The following NMNAT1 variants were observed in gnomAD, a reference collection of about 807,000 sequenced individuals.
NMNAT1 encodes the protein nicotinamide nucleotide adenylyltransferase 1.
A neutral mutation model predicts 16.7 loss-of-function variants in NMNAT1; 11 were observed. That is an observed-to-expected ratio of 0.66 (90% CI 0.41 to 1.09). NMNAT1 has a LOEUF of 1.09. Among genes scored for constraint, NMNAT1 ranks in the 50% least tolerant of loss-of-function variants. The pLI is 0.00. For synonymous variants in NMNAT1, 110 were observed against 119.8 expected (o/e 0.92, Z 0.53); for missense variants, 280 against 332.3 (o/e 0.84, Z 1.22).
intron 2 of NMNAT1, among the ~76,000 whole-genome samples, chr1:9,973,940 C>A (rs1262220333): frequency 6.6e-6 from 1 of 151,294 alleles, no homozygotes; most frequent in Admixed American, 6.6e-5. Context: ...TGGATTCAAG[C>A]GATTCTTTTG....
chr1:9,971,887 T>C (rs1235787649), intron 1 of NMNAT1, 131 bp from the exon 2 acceptor site: 1 of 532,566 alleles, frequency 1.9e-6, no homozygotes, highest in Non-Finnish European at 3.4e-6. Flanking sequence ...GGAGCATCAC[T>C]TGAGCCCAGA....
chr1:9,974,640 G>C (rs190287875), intron 2 of NMNAT1, among the ~76,000 whole-genome samples: 1 of 151,862 alleles, frequency 6.6e-6, no homozygotes, highest in African/African-American at 2.4e-5. Context: ...CACCCGCCTC[G>C]AACTCCCAAA....
At chr1:9,986,461 G>A (rs1282139369), downstream of NMNAT1, among the ~76,000 whole-genome samples, 1 of 152,092 alleles carries the variant, frequency 6.6e-6, no homozygotes, top group Non-Finnish European at 1.5e-5. Context: ...GCCAGGCTTG[G>A]TGGCTCACAT....
In NMNAT1 at chr1:9,982,367, G is replaced by A; in HGVS notation, c.506G>A (p.Trp169Ter). 6.2e-7 allele frequency: 1 copy of A among 1,614,116 alleles called. No individual in the cohort carries two copies. Among genetic ancestry groups the A allele is most frequent in the African/African-American group, 1.3e-5 (1 of 75,030 alleles). Residue 169 changes from tryptophan to a stop codon, truncating the protein, a stop_gained, in exon 5 of 5, where the codon TGG becomes TAG. Transcript: ENST00000377205. LOFTEE classifies it high-confidence loss of function. ...GAGTCCTTTGCTGTTCCCAATTTGTGGAAGAGTGAAGACATCACCCAAATC... is the reference window on the plus strand; with the variant it reads ...GAGTCCTTTGCTGTTCCCAATTTGTAGAAGAGTGAAGACATCACCCAAATC... ...LLESFAVPNL[W>*]KSEDITQIVA...
chr1:9,995,586 C>A, the NMNAT1 span, among the ~76,000 whole-genome samples: 1 of 151,632 alleles, frequency 6.6e-6, no homozygotes, highest in African/African-American at 2.4e-5. Flanking sequence ...CCCAGCTACT[C>A]AGGAGGCTGA....
At chr1:9,975,826 C>G in intron 3 of NMNAT1, 51 bp downstream of exon 3, 1 of 1,413,920 alleles carries the variant, frequency 7.1e-7, no homozygotes, top group South Asian at 1.3e-5. Context: ...GGCTAAGCGG[C>G]TTATGTTTTT....
At chr1:9,986,030 C>CT (rs1425320483), downstream of NMNAT1, among the ~76,000 whole-genome samples, 1 of 152,156 alleles carries the variant, frequency 6.6e-6, no homozygotes, top group African/African-American at 2.4e-5. Flanking sequence ...TCACTGTCCC[C>CT]TTGCTATCCT....
the NMNAT1 span, among the ~76,000 whole-genome samples, chr1:9,994,698 C>T: frequency 6.7e-6 from 1 of 148,800 alleles, no homozygotes; most frequent in African/African-American, 2.5e-5. Flanking sequence ...CTGCAAGCTC[C>T]GCCTCCTGGG....
At chr1:9,976,334 A>G (rs1641813716) in intron 3 of NMNAT1, among the ~76,000 whole-genome samples, 1 of 151,888 alleles carries the variant, frequency 6.6e-6, no homozygotes, top group Non-Finnish European at 1.5e-5. Context: ...ACTATGTGAT[A>G]CCACTGTTAG....
At chr1:9,985,736 C>T (rs892015008), downstream of NMNAT1, among the ~76,000 whole-genome samples, 6 of 152,178 alleles carry the variant, frequency 3.9e-5, no homozygotes, top group Non-Finnish European at 7.3e-5. Flanking sequence ...AGTCTCGGCT[C>T]ACTGCAACCT....
chr1:9,963,774 G>A (rs932091027), intron 1 of NMNAT1, among the ~76,000 whole-genome samples: 8 of 152,030 alleles, frequency 5.3e-5, no homozygotes, highest in Non-Finnish European at 7.4e-5. Flanking sequence ...TCCAAAGGTC[G>A]AAGATTAACT....
rs1241974542 is a variant in NMNAT1, at chr1:9,982,715, T to G, written c.*14T>G. 6.4e-7 allele frequency: 1 copy of G among 1,573,126 alleles called. No individual in the cohort carries two copies. Among genetic ancestry groups the G allele is most frequent in the East Asian group, 2.2e-5 (1 of 44,490 alleles). On this transcript the variant is annotated 3_prime_UTR_variant, in exon 5 of 5. Transcript: ENST00000377205. ...GCTAAGACATAGGAATTCTACAGCA[T>G]GATATTTCAGACTTCCCATTTGGGG... is the stretch of plus-strand genomic sequence containing the variant.
At chr1:9,943,393 C>T (rs1372962355), upstream of NMNAT1, 1 of 152,476 alleles carries the variant, frequency 6.6e-6, no homozygotes, top group Admixed American at 6.5e-5. Context: ...AGCACTTCCG[C>T]TGGACGCACG....
At chr1:9,978,608 T>C (rs572031379) in intron 3 of NMNAT1, among the ~76,000 whole-genome samples, 6 of 152,272 alleles carry the variant, frequency 3.9e-5, no homozygotes, top group African/African-American at 1.4e-4. Context: ...CACTGCTTGA[T>C]GGCAAAAAAT....
downstream of NMNAT1, among the ~76,000 whole-genome samples, chr1:9,986,038 C>G (rs897496616): frequency 6.6e-6 from 1 of 152,250 alleles, no homozygotes; most frequent in East Asian, 1.9e-4. Flanking sequence ...CCCTTGCTAT[C>G]CTTTAATGAA....
the NMNAT1 span, among the ~76,000 whole-genome samples, chr1:9,996,468 C>T: frequency 6.6e-6 from 1 of 152,158 alleles, no homozygotes; most frequent in Non-Finnish European, 1.5e-5. Context: ...TTCTCCTTTG[C>T]TTTTCTCTGC....
chr1:9,996,258 C>A, the NMNAT1 span, among the ~76,000 whole-genome samples: 146 of 150,042 alleles, frequency 9.7e-4, 3 homozygotes, highest in East Asian at 1.6e-3. Context: ...TTGCAGTGAG[C>A]CGAGATCTCT....
intron 1 of NMNAT1, among the ~76,000 whole-genome samples, chr1:9,948,387 C>A (rs535163358): frequency 6.6e-6 from 1 of 152,054 alleles, no homozygotes; most frequent in African/African-American, 2.4e-5. Flanking sequence ...CCAGTCTGGG[C>A]AATATAGTGA....
chr1:9,985,573 G>C (rs916544462), downstream of NMNAT1: 1 of 152,218 alleles, frequency 6.6e-6, no homozygotes, highest in Non-Finnish European at 1.5e-5. Flanking sequence ...CTTGCCCAGT[G>C]TTAGCAATTC....
Sources: allele counts gnomAD v4.1 joint callset (sites outside exome capture counted in the v4.1 genomes callset), GRCh38; gene constraint gnomAD v4.1.1; transcripts MANE v1.5; gene names NCBI Gene and HGNC (gene_info 2026-07-23, HGNC 2026-07-21).